CIZ1: variants seen among roughly 807,000 people sequenced by gnomAD.
The protein encoded by CIZ1 is cip1-interacting zinc finger protein.
A neutral mutation model predicts 118.6 loss-of-function variants in CIZ1; 58 were observed. The observed-to-expected ratio is 0.49, with a 90% confidence interval of 0.40 to 0.61. The LOEUF (loss-of-function observed/expected upper bound fraction) is 0.61, where lower values mean the gene tolerates loss of function less well. Ranked by LOEUF, CIZ1 falls within the 20% of genes least tolerant of loss-of-function variation. The pLI is 0.00. For missense variants in CIZ1, 921 were observed against 1,115.9 expected (o/e 0.83, Z 2.49); for synonymous variants, 448 against 443.4 (o/e 1.01, Z -0.13).
At chr9:128,181,740 C>T (rs574155941) in intron 5 of CIZ1, among the ~76,000 whole-genome samples, 9 of 150,706 alleles carry the variant, frequency 6.0e-5, no homozygotes, top group Non-Finnish European at 1.2e-4. Context: ...GAACAACACC[C>T]GCTACTTAGC....
chr9:128,176,529 G>A, intron 10 of CIZ1, 54 bp from the exon 11 acceptor site: 6 of 1,575,046 alleles, frequency 3.8e-6, no homozygotes, highest in South Asian at 2.3e-5. Flanking sequence ...AGAACAGTGG[G>A]CAAGGCTGGG....
intron 1 of CIZ1, 92 bp from the exon 2 acceptor site, chr9:128,190,954 C>G: frequency 1.4e-6 from 2 of 1,455,600 alleles, no homozygotes; most frequent in Non-Finnish European, 1.8e-6. Context: ...CAGCCACAGC[C>G]CGCAGAGACT....
chr9:128,190,647 G>A (rs1364219265), intron 2 of CIZ1, 41 bp downstream of exon 2: 2 of 1,540,198 alleles, frequency 1.3e-6, no homozygotes, highest in Non-Finnish European at 1.7e-6. Flanking sequence ...ATGGGTCTGA[G>A]TAGCAAGGCT....
intron 14 of CIZ1, 48 bp from the exon 15 acceptor site, chr9:128,167,212 C>T: frequency 7.0e-7 from 1 of 1,433,626 alleles, no homozygotes. Flanking sequence ...CCCTTGACAC[C>T]TCCCAGACAC....
chr9:128,174,106 A>G (rs1487077542), intron 11 of CIZ1, among the ~76,000 whole-genome samples: 1 of 151,704 alleles, frequency 6.6e-6, no homozygotes, highest in Non-Finnish European at 1.5e-5. Context: ...AGGAGGGAGG[A>G]GACGGGCACC....
At position 128,169,748 on chromosome 9, in the gene CIZ1, G is replaced by C. The variant is rs1475159067; in HGVS notation, c.2032-229C>G. On this transcript the variant is annotated intron_variant, in intron 12 of 16. Transcript: ENST00000372938. The stretch of plus-strand genomic sequence containing the variant: ...GCAACACAGAGACAGGACAGACACA[G>C]AGAGAAGACGAGAGAGAGGGCAGCT... 1.9e-5 allele frequency: 29 copies of C among 1,510,026 alleles called. No homozygotes were observed. The Admixed American group carries it at 5.7e-4, about 30-fold the overall frequency. 93.5% of individuals were successfully genotyped at this position (1,510,026 alleles called of 1,614,324 possible). A position where few individuals can be genotyped will look rare whatever the true frequency, so the allele number is the denominator to read the frequency against.
In CIZ1 at chr9:128,166,630, G is replaced by GT; in HGVS notation, c.2487+128dup. Reference sequence around the variant, plus strand: ...CCACCCCAGCTCTAATTCTCTCCCTGTTGGTGCAGGGGTGGTGCCTGGGGA... The same window carrying GT: ...CCACCCCAGCTCTAATTCTCTCCCTGTTTGGTGCAGGGGTGGTGCCTGGGGA... On this transcript the variant is annotated intron_variant, in intron 16 of 16. Transcript: ENST00000372938. The surrounding 1 kb of genome is among the most constrained non-coding windows in gnomAD (Gnocchi z 4.4). 1 of 1,240,772 alleles carries GT rather than the reference G, an allele frequency of 8.1e-7. No homozygotes were observed. Among genetic ancestry groups the GT allele is most frequent in the Middle Eastern group, 2.4e-4 (1 of 4,102 alleles). The allele number at this position is 1,240,772 out of a possible 1,614,324, so 76.9% of individuals were successfully genotyped here.
At position 128,179,133 on chromosome 9, in the gene CIZ1, C is replaced by A. The variant is rs1425729580; in HGVS notation, c.1074G>T (p.Gln358His). 16 of 1,614,040 alleles carry A rather than the reference C, an allele frequency of 9.9e-6. No homozygotes were observed. The highest frequency in any genetic ancestry group is 1.4e-5 in the Non-Finnish European group (16 of 1,180,054). Residue 358 changes from glutamine (Q) to histidine (H), a missense_variant, in exon 8 of 17, where the codon CAG (glutamine) becomes CAT (histidine). Coordinates refer to ENST00000372938, the MANE Select transcript of CIZ1 (RefSeq NM_001131016.2). ...QTSPEHLVLQ[Q>H]KQVQPQLQQE... is the part of the protein sequence containing the mutation. The stretch of plus-strand genomic sequence containing the variant: ...GCTGCAGCTGTGGCTGCACCTGCTT[C>A]TGTTGCAGCACTAAGTGCTCTGGAG...
chr9:128,170,218 T>C (rs1829966529), intron 11 of CIZ1, 111 bp from the exon 12 acceptor site: 3 of 893,548 alleles, frequency 3.4e-6, no homozygotes, highest in South Asian at 1.5e-5. Flanking sequence ...CAGGATCTCT[T>C]AGGGAAGCTT....
chr9:128,175,496 C>T (rs954013700), intron 11 of CIZ1, among the ~76,000 whole-genome samples: 1 of 152,138 alleles, frequency 6.6e-6, no homozygotes, highest in Admixed American at 6.5e-5. Flanking sequence ...CAAGCGGAGG[C>T]CAACCAAGAG....
chr9:128,174,169 C>G (rs76164366), intron 11 of CIZ1, among the ~76,000 whole-genome samples: 1 of 152,196 alleles, frequency 6.6e-6, no homozygotes, highest in South Asian at 2.1e-4. Flanking sequence ...CTGGGAACAC[C>G]CCCCTGCCTT....
At chr9:128,186,480 A>T (rs1274957740) in intron 4 of CIZ1, among the ~76,000 whole-genome samples, 1 of 150,468 alleles carries the variant, frequency 6.6e-6, no homozygotes, top group Admixed American at 6.6e-5. Context: ...CCCCACTCCC[A>T]CTCCCTGCCT....
rs1027946976 is a variant in CIZ1, at chr9:128,166,610, C to T, written c.2487+149G>A. The stretch of plus-strand genomic sequence containing the variant: ...TGAACAATAAGAGCCCAACCCCACC[C>T]CAGCTCTAATTCTCTCCCTGTTGGT... On this transcript the variant is annotated intron_variant, in intron 16 of 16. Coordinates refer to ENST00000372938, the MANE Select transcript of CIZ1 (RefSeq NM_001131016.2). This position sits in a 1 kb window ranked among gnomAD's most constrained non-coding sequence, Gnocchi z 4.4. The T allele has an allele frequency of 3.5e-6, 4 of 1,135,102 alleles. No homozygotes were observed. The highest frequency in any genetic ancestry group is 5.1e-6 in the Non-Finnish European group (4 of 784,166). 70.3% of individuals were successfully genotyped at this position (1,135,102 alleles called of 1,614,324 possible).
rs949621625 is a variant in CIZ1 at position 128,181,772 on chromosome 9, G to T, written c.589-958C>A. On this transcript the variant is annotated intron_variant, in intron 5 of 16. Transcript: ENST00000372938. ...TAGCAGACCAGGAAAGGCGGGGGGG[G>T]GGGGGGGGTCTCCCTTTCCCCGAGG... is the stretch of plus-strand genomic sequence containing the variant. 1.1e-4 allele frequency among the ~76,000 whole-genome samples: 17 copies of T among 151,900 alleles called. 1 individual carries two copies. The South Asian group carries it at 1.5e-3, about 13-fold the overall frequency.
At chr9:128,182,216 A>C (rs7862058) in intron 5 of CIZ1, among the ~76,000 whole-genome samples, 6 of 151,204 alleles carry the variant, frequency 4.0e-5, no homozygotes, top group African/African-American at 1.5e-4. Context: ...GGCCACTACC[A>C]GTCTCTGCGC....
At chr9:128,167,448 CAT>C (rs756317148) in intron 14 of CIZ1, 2 of 417,402 alleles carry the variant, frequency 4.8e-6, no homozygotes, top group South Asian at 3.9e-5. Context: ...CCCAAGACAT[CAT>C]GTGTCATTTG....
chr9:128,169,899 G>T, intron 12 of CIZ1, 121 bp downstream of exon 12: 1 of 1,044,118 alleles, frequency 9.6e-7, no homozygotes, highest in Non-Finnish European at 1.4e-6. Flanking sequence ...AAACTGCATT[G>T]TGGGTTATGG....
At chr9:128,190,471 G>A (rs1832994300) in intron 2 of CIZ1, 27 bp from the exon 3 acceptor site, 2 of 1,556,224 alleles carry the variant, frequency 1.3e-6, no homozygotes, top group African/African-American at 2.7e-5. Flanking sequence ...GGTGTCAGAG[G>A]GTTATTTGGA....
intron 11 of CIZ1, among the ~76,000 whole-genome samples, chr9:128,173,246 G>A (rs1299120771): frequency 1.3e-5 from 2 of 150,360 alleles, no homozygotes; most frequent in African/African-American, 4.9e-5. Context: ...CTGGGTTCAG[G>A]CCATTCTCCT....
Sources: gnomAD v4.1 joint callset for allele counts (sites outside exome capture counted in the v4.1 genomes callset) on GRCh38, gnomAD v4.1.1 for gene constraint, Gnocchi (gnomAD v3.1) non-coding constraint, MANE v1.5 for transcripts, NCBI Gene and HGNC (gene_info 2026-07-23, HGNC 2026-07-21) for gene names.